RSPO2: variants seen among roughly 807,000 people sequenced by gnomAD.
The protein encoded by RSPO2 is R-spondin-2.
RSPO2 carries 14 observed loss-of-function variants against 30.9 expected under a neutral mutation model. The ratio of observed to expected loss-of-function variants is 0.45; its 90% CI spans 0.30 to 0.71. RSPO2 has a LOEUF of 0.71. RSPO2 is among the 30% of genes least tolerant of loss of function. RSPO2 has a pLI of 0.08. For synonymous variants in RSPO2, 107 were observed against 96.4 expected (o/e 1.11, Z -0.64); for missense variants, 264 against 301.9 (o/e 0.87, Z 0.93).
At chr8:108,044,317 G>A (rs935158348) in intron 2 of RSPO2, among the ~76,000 whole-genome samples, 1 of 151,828 alleles carries the variant, frequency 6.6e-6, no homozygotes, top group African/African-American at 2.4e-5. Context: ...TGATGTTTGG[G>A]GTACAAATAA....
intron 2 of RSPO2, among the ~76,000 whole-genome samples, chr8:108,072,675 T>C (rs1211965417): frequency 6.6e-6 from 1 of 151,768 alleles, no homozygotes; most frequent in Non-Finnish European, 1.5e-5. Context: ...TCATACTTTA[T>C]TACACAAGGG....
At chr8:108,057,055 CAAAAAAAAAAAAAAAAA>C (rs56727719) in intron 2 of RSPO2, among the ~76,000 whole-genome samples, 14 of 36,080 alleles carry the variant, frequency 3.9e-4, no homozygotes, top group Admixed American at 1.2e-3. Flanking sequence ...GACTCTGTCT[CAAAAAAAAAAAAAAAAA>C]AAAAAAAAAA....
At chr8:108,082,348 C>T (rs1813228160) in intron 2 of RSPO2, among the ~76,000 whole-genome samples, 197 bp downstream of exon 2, 1 of 152,186 alleles carries the variant, frequency 6.6e-6, no homozygotes, top group Non-Finnish European at 1.5e-5. Context: ...CGCTCCGGCT[C>T]CCCGCGCCTC....
At chr8:108,079,712 AG>A (rs1813129938) in intron 2 of RSPO2, among the ~76,000 whole-genome samples, 3 of 152,006 alleles carry the variant, frequency 2.0e-5, no homozygotes, top group Admixed American at 1.3e-4. Flanking sequence ...AAAAAAAAAA[AG>A]AATCAGGTCC....
intron 2 of RSPO2, among the ~76,000 whole-genome samples, chr8:108,029,137 C>T (rs1451394049): frequency 2.3e-5 from 3 of 128,906 alleles, no homozygotes; most frequent in African/African-American, 8.3e-5. Context: ...CAAACTACAA[C>T]CAACCAGCCA....
At chr8:107,901,346 GAATAAT>G (rs35321772) in intron 5 of RSPO2, among the ~76,000 whole-genome samples, 156 bp from the exon 6 acceptor site, 1 of 152,096 alleles carries the variant, frequency 6.6e-6, no homozygotes, top group Non-Finnish European at 1.5e-5. Flanking sequence ...AATTTTGACA[GAATAAT>G]AATAATTTAC....
intron 2 of RSPO2, among the ~76,000 whole-genome samples, chr8:108,031,420 T>C (rs1563571329): frequency 1.3e-5 from 2 of 152,320 alleles, no homozygotes; most frequent in African/African-American, 4.8e-5. Context: ...GTAATGGTTA[T>C]TACCAATCAT....
intron 2 of RSPO2, among the ~76,000 whole-genome samples, chr8:107,993,742 C>T (rs557571849): frequency 3.3e-5 from 5 of 152,266 alleles, no homozygotes; most frequent in South Asian, 4.1e-4. Flanking sequence ...ATCAGCAGGG[C>T]GTGCTTCCTC....
intron 2 of RSPO2, among the ~76,000 whole-genome samples, chr8:108,049,950 T>G (rs1332772002): frequency 6.6e-6 from 1 of 152,188 alleles, no homozygotes; most frequent in Non-Finnish European, 1.5e-5. Context: ...TAGGCTTTAC[T>G]GTACCTTTAA....
intron 3 of RSPO2, among the ~76,000 whole-genome samples, chr8:107,982,049 GA>G (rs1814461125): frequency 9.4e-6 from 1 of 106,444 alleles, no homozygotes. Flanking sequence ...AAAGAAAGAA[GA>G]AAAAAAAGGA....
intron 3 of RSPO2, among the ~76,000 whole-genome samples, chr8:107,982,791 C>T (rs1297976477): frequency 1.3e-5 from 2 of 152,138 alleles, no homozygotes; most frequent in African/African-American, 4.8e-5. Context: ...TCTCCGCAAG[C>T]CTTCCCATTC....
chr8:107,974,876 G>T (rs1367638632), intron 3 of RSPO2, among the ~76,000 whole-genome samples: 2 of 145,234 alleles, frequency 1.4e-5, no homozygotes. Context: ...AGGTTAATCA[G>T]TGAAAGTGTT....
At chr8:108,012,679 T>C (rs1042781850) in intron 2 of RSPO2, among the ~76,000 whole-genome samples, 2 of 152,168 alleles carry the variant, frequency 1.3e-5, no homozygotes, top group Admixed American at 6.5e-5. Flanking sequence ...ATTCCTATGG[T>C]AATTAATTGA....
intron 2 of RSPO2, among the ~76,000 whole-genome samples, chr8:108,053,117 T>C (rs1812125080): frequency 6.6e-6 from 1 of 152,250 alleles, no homozygotes; most frequent in Non-Finnish European, 1.5e-5. Flanking sequence ...TGAGTGTATC[T>C]TGATCTGCTA....
chr8:108,062,560 A>C (rs1278052678), intron 2 of RSPO2, among the ~76,000 whole-genome samples: 1 of 151,820 alleles, frequency 6.6e-6, no homozygotes, highest in Non-Finnish European at 1.5e-5. Context: ...CAACCAAAAA[A>C]AGTCCAGGAC....
intron 2 of RSPO2, among the ~76,000 whole-genome samples, chr8:108,078,745 G>C (rs1813092560): frequency 1.3e-5 from 2 of 152,176 alleles, no homozygotes; most frequent in African/African-American, 4.8e-5. Flanking sequence ...TGAGGATTCA[G>C]TACGGAAAAG....
intron 3 of RSPO2, among the ~76,000 whole-genome samples, chr8:107,978,221 A>C (rs1426409890): frequency 6.6e-6 from 1 of 152,142 alleles, no homozygotes; most frequent in Non-Finnish European, 1.5e-5. Flanking sequence ...CCAGGTCAGG[A>C]GTTTGAGACC....
rs148738465 is a variant in RSPO2 at position 107,962,214 on chromosome 8, TA to T, written c.284-1398del. ...TCCTATAAGCAAAGCGATAAAGGGG[TA>T]AAAAAAAAATGTAGCCAAAATGTTA... On this transcript the variant is annotated intron_variant, in intron 3 of 5. Coordinates refer to ENST00000276659, the MANE Select transcript of RSPO2 (RefSeq NM_178565.5). Among the ~76,000 whole-genome samples, 583 of 148,876 alleles carry T rather than the reference TA, an allele frequency of 3.9e-3. 3 individuals carry two copies. Among genetic ancestry groups the T allele is most frequent in the African/African-American group, 0.014 (556 of 40,582 alleles).
chr8:108,083,111 C>T (rs1323859566), intron 1 of RSPO2, 86 bp downstream of exon 1: 1 of 156,558 alleles, frequency 6.4e-6, no homozygotes, highest in African/African-American at 2.4e-5. Context: ...GAGCGCAGGG[C>T]TAAAAGAACG....
Sources: allele counts gnomAD v4.1 joint callset (sites outside exome capture counted in the v4.1 genomes callset), GRCh38; gene constraint gnomAD v4.1.1; transcripts MANE v1.5; gene names NCBI Gene and HGNC (gene_info 2026-07-23, HGNC 2026-07-21).